The following TEX9 variants were observed in gnomAD, a reference collection of about 807,000 sequenced individuals.
TEX9 encodes the protein testis-expressed protein 9.
A neutral mutation model predicts 59.6 loss-of-function variants in TEX9; 74 were observed. That is an observed-to-expected ratio of 1.24 (90% confidence interval 1.03 to 1.51). The LOEUF is 1.51. TEX9 is among the 40% of genes most tolerant of loss of function. The probability of loss-of-function intolerance (pLI) is 0.00; values close to 1 mark genes in which losing one functional copy is unlikely to be tolerated. For synonymous variants in TEX9, 186 were observed against 152.2 expected, an observed-to-expected ratio of 1.22 and a Z score of -1.64; for missense variants, 522 against 447.8, an observed-to-expected ratio of 1.17 and a Z score of -1.49.
intron 9 of TEX9, among the ~76,000 whole-genome samples, chr15:56,398,515 A>G (rs1237362911): frequency 1.3e-5 from 2 of 152,194 alleles, no homozygotes; most frequent in Admixed American, 6.5e-5. Context: ...TATGCACCCA[A>G]GCTCTGTCAC....
intron 1 of TEX9, among the ~76,000 whole-genome samples, chr15:56,298,478 T>A (rs1032329164): frequency 6.6e-6 from 1 of 152,250 alleles, no homozygotes; most frequent in Non-Finnish European, 1.5e-5. Flanking sequence ...TGTTTATTTT[T>A]ATTTAAAGAT....
At chr15:56,283,049 G>GGGGT (rs140785812) in intron 1 of TEX9, among the ~76,000 whole-genome samples, 2 of 148,444 alleles carry the variant, frequency 1.3e-5, no homozygotes, top group Non-Finnish European at 3.0e-5. Context: ...TACATTGTGT[G>GGGGT]GTGTGTGTGT....
chr15:56,269,787 G>A (rs1334048572), intron 1 of TEX9, among the ~76,000 whole-genome samples: 1 of 151,542 alleles, frequency 6.6e-6, no homozygotes, highest in Non-Finnish European at 1.5e-5. Flanking sequence ...TCAAGTAGCT[G>A]GGACTACAGG....
intron 1 of TEX9, among the ~76,000 whole-genome samples, chr15:56,342,477 A>C (rs1201992339): frequency 6.6e-6 from 1 of 152,138 alleles, no homozygotes; most frequent in Non-Finnish European, 1.5e-5. Context: ...GTGGTCAAAA[A>C]AAAAGAAGAG....
the TEX9 span, among the ~76,000 whole-genome samples, chr15:56,457,873 C>G: frequency 6.7e-6 from 1 of 149,146 alleles, no homozygotes; most frequent in South Asian, 2.2e-4. Context: ...ACCTCTTAAG[C>G]ATTTATCCCA....
chr15:56,356,183 A>G (rs2046681188), intron 1 of TEX9, among the ~76,000 whole-genome samples: 1 of 152,136 alleles, frequency 6.6e-6, no homozygotes, highest in Non-Finnish European at 1.5e-5. Context: ...AATAGTGATG[A>G]CAGTGGAAAT....
chr15:56,458,676 C>T, the TEX9 span, among the ~76,000 whole-genome samples: 4 of 152,116 alleles, frequency 2.6e-5, no homozygotes, highest in East Asian at 7.7e-4. Context: ...TTGCCTTTCC[C>T]AGAATGTCAC....
chr15:56,268,301 T>C (rs2044438570), intron 1 of TEX9, among the ~76,000 whole-genome samples: 1 of 152,206 alleles, frequency 6.6e-6, no homozygotes, highest in Non-Finnish European at 1.5e-5. Context: ...CTTTTCCTAA[T>C]TGAATACCCT....
chr15:56,460,009 A>AAAAAAAAAAAAAAAAAAAAATATAT, the TEX9 span, among the ~76,000 whole-genome samples: 1 of 26,406 alleles, frequency 3.8e-5, no homozygotes, highest in African/African-American at 1.5e-4. Flanking sequence ...AAAAAAAAAA[A>AAAAAAAAAAAAAAAAAAAAATATAT]ATACATATAT....
chr15:56,436,751 G>A (rs1054482208), intron 12 of TEX9, among the ~76,000 whole-genome samples: 6 of 151,886 alleles, frequency 4.0e-5, no homozygotes, highest in East Asian at 3.9e-4. Context: ...TCAAATAGAC[G>A]CAATAAAAAA....
At chr15:56,364,018 C>A (rs990157044), upstream of TEX9, among the ~76,000 whole-genome samples, 1 of 151,892 alleles carries the variant, frequency 6.6e-6, no homozygotes, top group Admixed American at 6.6e-5. Context: ...ATAGTCCAGA[C>A]ACAAGTTATT....
intron 1 of TEX9, among the ~76,000 whole-genome samples, chr15:56,356,696 T>C (rs1180547799): frequency 2.0e-5 from 3 of 152,156 alleles, no homozygotes; most frequent in South Asian, 2.1e-4. Flanking sequence ...ATTAGTGAGG[T>C]TGAATATTTT....
At chr15:56,383,115 C>T (rs2047805438) in intron 3 of TEX9, among the ~76,000 whole-genome samples, 1 of 152,220 alleles carries the variant, frequency 6.6e-6, no homozygotes, top group African/African-American at 2.4e-5. Context: ...CCAGATGCTT[C>T]CTCCATGCAT....
intron 1 of TEX9, among the ~76,000 whole-genome samples, chr15:56,329,791 A>G (rs2046102795): frequency 6.6e-6 from 1 of 152,204 alleles, no homozygotes; most frequent in Non-Finnish European, 1.5e-5. Context: ...CAAGCCTACA[A>G]GACCTAGAAA....
intron 1 of TEX9, among the ~76,000 whole-genome samples, chr15:56,292,433 A>G (rs982470249): frequency 1.2e-4 from 19 of 152,278 alleles, no homozygotes; most frequent in Non-Finnish European, 2.4e-4. Context: ...GTGATCCCCT[A>G]GGACATCTCT....
At chr15:56,273,181 C>A (rs2044589225) in intron 1 of TEX9, among the ~76,000 whole-genome samples, 1 of 152,068 alleles carries the variant, frequency 6.6e-6, no homozygotes, top group African/African-American at 2.4e-5. Context: ...TCTTGAACTC[C>A]TGACCTTGTG....
At chr15:56,261,553 A>T (rs2044267260) in intron 1 of TEX9, among the ~76,000 whole-genome samples, 1 of 152,100 alleles carries the variant, frequency 6.6e-6, no homozygotes, top group South Asian at 2.1e-4. Flanking sequence ...CCTCATCTCT[A>T]CTAAAAATAC....
At chr15:56,248,605 T>C (rs1004991116) in intron 1 of TEX9, among the ~76,000 whole-genome samples, 3 of 152,244 alleles carry the variant, frequency 2.0e-5, no homozygotes, top group Non-Finnish European at 4.4e-5. Context: ...TGGTACCATA[T>C]ACATGTTTAT....
intron 12 of TEX9, chr15:56,434,447 T>A: frequency 6.6e-7 from 1 of 1,524,594 alleles, no homozygotes; most frequent in Non-Finnish European, 8.9e-7. Flanking sequence ...TACACCAGAT[T>A]TATAAGGAAA....
Sources: allele counts gnomAD v4.1 joint callset (sites outside exome capture counted in the v4.1 genomes callset), GRCh38; gene constraint gnomAD v4.1.1; transcripts MANE v1.5; gene names NCBI Gene and HGNC (gene_info 2026-07-23, HGNC 2026-07-21).